PALM2AKAP2: variants seen among roughly 807,000 people sequenced by gnomAD.
PALM2AKAP2 encodes PALM2 and AKAP2 fusion.
PALM2AKAP2 carries 37 observed loss-of-function variants against 71.5 expected under a neutral mutation model. That is an observed-to-expected ratio of 0.52 (90% CI 0.40 to 0.68). The LOEUF is 0.68. Ranked by LOEUF, PALM2AKAP2 falls within the 30% of genes least tolerant of loss-of-function variation. The probability of loss-of-function intolerance (pLI) is 0.00; values close to 1 mark genes in which losing one functional copy is unlikely to be tolerated. For missense variants in PALM2AKAP2, 1,224 were observed against 1,191.8 expected (o/e 1.03, Z -0.40); for synonymous variants, 468 against 478.8 (o/e 0.98, Z 0.29).
chr9:110,057,116 G>A (rs974598741), intron 1 of PALM2AKAP2, among the ~76,000 whole-genome samples: 1 of 152,030 alleles, frequency 6.6e-6, no homozygotes, highest in Non-Finnish European at 1.5e-5. Flanking sequence ...CTTGAGTGTC[G>A]GCTGGTAAGT....
intron 3 of PALM2AKAP2, among the ~76,000 whole-genome samples, chr9:109,921,855 A>G (rs769790314): frequency 1.1e-4 from 17 of 152,210 alleles, no homozygotes; most frequent in Non-Finnish European, 2.2e-4. Flanking sequence ...TGAAATGACA[A>G]ATATTTCAGA....
chr9:109,725,443 T>C (rs777599384), intron 1 of PALM2AKAP2, among the ~76,000 whole-genome samples: 1 of 152,294 alleles, frequency 6.6e-6, no homozygotes, highest in East Asian at 1.9e-4. Flanking sequence ...TCTGCAAATA[T>C]AAATCAAAAT....
chr9:109,673,813 A>G (rs1827609682), intron 1 of PALM2AKAP2, among the ~76,000 whole-genome samples: 1 of 152,074 alleles, frequency 6.6e-6, no homozygotes, highest in East Asian at 1.9e-4. Context: ...TAAAATAGTT[A>G]CATTATCTTG....
chr9:109,910,421 G>A (rs978235888), intron 3 of PALM2AKAP2, among the ~76,000 whole-genome samples: 1 of 152,186 alleles, frequency 6.6e-6, no homozygotes, highest in African/African-American at 2.4e-5. Context: ...ATGTTCGGTA[G>A]GAATTAAAGC....
intron 1 of PALM2AKAP2, among the ~76,000 whole-genome samples, chr9:110,051,990 C>T (rs1286344572): frequency 6.6e-6 from 1 of 151,910 alleles, no homozygotes; most frequent in East Asian, 1.9e-4. Context: ...GCAAGCTCCG[C>T]TTCCCCGGTT....
At chr9:109,867,344 C>T (rs1212389197) in intron 1 of PALM2AKAP2, 147 bp from the exon 2 acceptor site, 13 of 811,712 alleles carry the variant, frequency 1.6e-5, no homozygotes, top group Admixed American at 4.9e-5. Context: ...CACCCAGAGA[C>T]GGTGGGGCAG....
chr9:110,083,570 T>G (rs1834495320), intron 1 of PALM2AKAP2, among the ~76,000 whole-genome samples: 1 of 152,206 alleles, frequency 6.6e-6, no homozygotes. Flanking sequence ...TTTTTGTTTT[T>G]TGGTTTGGTT....
chr9:110,068,958 A>G (rs1834146356), intron 1 of PALM2AKAP2, among the ~76,000 whole-genome samples: 1 of 152,238 alleles, frequency 6.6e-6, no homozygotes, highest in African/African-American at 2.4e-5. Context: ...ATCTTACAGT[A>G]TAGAAATGAA....
At chr9:109,739,856 G>A (rs1198943418) in intron 1 of PALM2AKAP2, among the ~76,000 whole-genome samples, 1 of 152,162 alleles carries the variant, frequency 6.6e-6, no homozygotes, top group Non-Finnish European at 1.5e-5. Flanking sequence ...CAGGGCTTTT[G>A]AGGCCCTGGA....
chr9:109,905,300 G>T (rs1213516114), intron 3 of PALM2AKAP2, among the ~76,000 whole-genome samples: 1 of 152,194 alleles, frequency 6.6e-6, no homozygotes, highest in Non-Finnish European at 1.5e-5. Context: ...GGTGGACTCA[G>T]CCATCGAGGC....
intron 7 of PALM2AKAP2, among the ~76,000 whole-genome samples, chr9:110,042,481 A>T (rs1833526704): frequency 6.6e-6 from 1 of 152,210 alleles, no homozygotes; most frequent in Non-Finnish European, 1.5e-5. Context: ...TTTGCCATTA[A>T]GTAAGAACCA....
intron 1 of PALM2AKAP2, among the ~76,000 whole-genome samples, chr9:109,835,633 A>G (rs549143811): frequency 6.6e-6 from 1 of 152,288 alleles, no homozygotes; most frequent in Non-Finnish European, 1.5e-5. Context: ...TTCCTAGCCA[A>G]GGGAATCTGT....
At chr9:109,763,453 A>T (rs1177512908) in intron 1 of PALM2AKAP2, among the ~76,000 whole-genome samples, 1 of 152,204 alleles carries the variant, frequency 6.6e-6, no homozygotes, top group Non-Finnish European at 1.5e-5. Flanking sequence ...CATCTGAAAG[A>T]TGGGAATGAT....
At chr9:110,162,027 G>C in intron 3 of PALM2AKAP2, 67 bp from the exon 10 acceptor site, 1 of 1,586,994 alleles carries the variant, frequency 6.3e-7, no homozygotes, top group Middle Eastern at 1.7e-4. Context: ...GCCTGTTCCC[G>C]GCTAGGGGGT....
At chr9:110,125,971 T>C (rs555190574) in intron 1 of PALM2AKAP2, among the ~76,000 whole-genome samples, 1 of 152,238 alleles carries the variant, frequency 6.6e-6, no homozygotes, top group East Asian at 1.9e-4. Context: ...ACTCGGTGAT[T>C]CTGTCGCCTC....
At chr9:109,745,796 G>C (rs1322832416) in intron 1 of PALM2AKAP2, among the ~76,000 whole-genome samples, 4 of 152,114 alleles carry the variant, frequency 2.6e-5, no homozygotes, top group African/African-American at 4.8e-5. Context: ...TTTACGCAAT[G>C]GTCTGGGTTG....
At chr9:109,750,702 ATT>A (rs1005683154) in intron 1 of PALM2AKAP2, among the ~76,000 whole-genome samples, 10 of 152,056 alleles carry the variant, frequency 6.6e-5, no homozygotes, top group Admixed American at 4.6e-4. Flanking sequence ...CTGGAAAATA[ATT>A]TGTTTTTTTC....
chr9:109,691,927 CATATATAT>C (rs202186589), intron 1 of PALM2AKAP2, among the ~76,000 whole-genome samples: 2 of 97,258 alleles, frequency 2.1e-5, no homozygotes, highest in African/African-American at 8.9e-5. Context: ...TATATATACA[CATATATAT>C]ATATACACAT....
At chr9:109,985,800 C>T (rs1434014519) in intron 6 of PALM2AKAP2, among the ~76,000 whole-genome samples, 1 of 152,106 alleles carries the variant, frequency 6.6e-6, no homozygotes, top group East Asian at 1.9e-4. Context: ...CAGGCATGCA[C>T]CACCATGCCC....
Sources: allele counts gnomAD v4.1 joint callset (sites outside exome capture counted in the v4.1 genomes callset), GRCh38; gene constraint gnomAD v4.1.1; transcripts MANE v1.5; gene names NCBI Gene and HGNC (gene_info 2026-07-23, HGNC 2026-07-21).